NLRP2: variants seen among roughly 807,000 people sequenced by gnomAD.
NLRP2 encodes NACHT, LRR and PYD domains-containing protein 2.
NLRP2 carries 107 observed loss-of-function variants against 97.2 expected under a neutral mutation model. The ratio of observed to expected loss-of-function variants is 1.10; its 90% CI spans 0.94 to 1.29. NLRP2 has a LOEUF of 1.29. Among genes scored for constraint, NLRP2 ranks in the 50% most tolerant of loss-of-function variants. The pLI, the probability that NLRP2 is intolerant of heterozygous loss-of-function variation, is 0.00. For synonymous variants in NLRP2, 663 were observed against 551.5 expected (o/e 1.20, Z -2.83); for missense variants, 1,495 against 1,330.3 (o/e 1.12, Z -1.93).
intron 1 of NLRP2, among the ~76,000 whole-genome samples, chr19:54,967,918 T>G (rs1337923877): frequency 1.9e-5 from 1 of 52,974 alleles, no homozygotes; most frequent in African/African-American, 1.1e-4. Flanking sequence ...GCTACTGCTA[T>G]TTTTTTTTTT....
chr19:54,997,226 A>G, intron 11 of NLRP2, 91 bp from the exon 12 acceptor site: 2 of 1,314,954 alleles, frequency 1.5e-6, no homozygotes, highest in Middle Eastern at 2.6e-4. Flanking sequence ...TTGGTCATGC[A>G]GATCCCCAAC....
chr19:54,970,410 G>C, intron 2 of NLRP2, 115 bp downstream of exon 2: 1 of 1,274,906 alleles, frequency 7.8e-7, no homozygotes, highest in Admixed American at 1.8e-5. Flanking sequence ...CAGCCCTTTG[G>C]GAGGCTGAGG....
In NLRP2 at chr19:54,976,877, C is replaced by T. The variant is rs546489471; in HGVS notation, c.326-875C>T. ...TTTGCCAGGCTGAAGTGCAGTGGAG[C>T]GATCTTGGCTCACTGCAATCTCCGC... On this transcript the variant is annotated intron_variant, in intron 3 of 12. Transcript: ENST00000448584. The T allele has an allele frequency of 4.4e-4, 172 of 395,202 alleles. 1 individual carries two copies. The African/African-American group carries it at 4.4e-3, about 10-fold the overall frequency. The allele number at this position is 395,202 out of a possible 1,614,324, so 24.5% of individuals were successfully genotyped here.
At chr19:54,996,060 AAAC>A (rs1214337179) in intron 11 of NLRP2, among the ~76,000 whole-genome samples, 2 of 150,956 alleles carry the variant, frequency 1.3e-5, no homozygotes, top group Admixed American at 6.6e-5. Flanking sequence ...AAAACAAAAA[AAAC>A]AAAGGCGCCT....
At chr19:55,000,386 C>T (rs1602463371) in intron 12 of NLRP2, among the ~76,000 whole-genome samples, 1 of 141,764 alleles carries the variant, frequency 7.1e-6, no homozygotes, top group South Asian at 2.4e-4. Context: ...ACACCATTCT[C>T]CTGCCTCAGC....
chr19:54,996,947 A>G (rs2072860022), intron 11 of NLRP2, among the ~76,000 whole-genome samples: 2 of 152,066 alleles, frequency 1.3e-5, no homozygotes, highest in South Asian at 2.1e-4. Context: ...TCACTCTGTC[A>G]CCCAGGCTGG....
At position 54,989,767 on chromosome 19, in the gene NLRP2, T is replaced by C. The variant is rs192006072; in HGVS notation, c.2367-255T>C. ...GGGAGGCCGAGGTGGGCAGATCACCTGAGATTGGGAGTTTGAGACCAGCCT... is the reference window on the plus strand; with the variant it reads ...GGGAGGCCGAGGTGGGCAGATCACCCGAGATTGGGAGTTTGAGACCAGCCT... On this transcript the variant is annotated intron_variant, in intron 8 of 12. Transcript: ENST00000448584. The C allele has an allele frequency of 5.9e-4, 332 of 564,668 alleles. 2 individuals carry two copies. The highest frequency in any genetic ancestry group is 5.5e-3 in the African/African-American group (293 of 53,202). The allele number at this position is 564,668 out of a possible 1,614,324, so 35.0% of individuals were successfully genotyped here.
At position 54,982,915 on chromosome 19, in the gene NLRP2, C is replaced by G. The variant is rs139903547; in HGVS notation, c.1217C>G (p.Thr406Arg). 9.1e-3 allele frequency: 14,653 copies of G among 1,613,084 alleles called. 72 individuals carry two copies. The highest frequency in any genetic ancestry group is 0.011 in the Non-Finnish European group (12,834 of 1,180,008). Residue 406 changes from threonine to arginine, a missense_variant, in exon 6 of 13, where the codon ACG (threonine) becomes AGG (arginine). Coordinates refer to ENST00000448584, the MANE Select transcript of NLRP2 (RefSeq NM_017852.5). ...CCCGCGGTGTGCTGGATCGTGTGCA[C>G]GACTCTGAAGCTGCAGATGGAGAAG... Reference protein sequence around the residue: ...SAPAVCWIVCTTLKLQMEKGE... With the variant: ...SAPAVCWIVCRTLKLQMEKGE...
intron 4 of NLRP2, 100 bp from the exon 5 acceptor site, chr19:54,981,517 T>TCCCCCCC: frequency 1.1e-5 from 3 of 274,194 alleles, no homozygotes; most frequent in South Asian, 2.5e-5. Context: ...GTGCCCCCCC[T>TCCCCCCC]CCCCCCCGCC....
chr19:54,983,463 G>C lies in NLRP2; in HGVS notation c.1765G>C (p.Asp589His). The change falls in exon 6 of 13, where the codon GAC (aspartate) becomes CAC (histidine). Residue 589 changes from aspartate (D) to histidine (H), a missense_variant. Asp to His is a moderately conservative substitution (Grantham distance 81). Coordinates refer to ENST00000448584, the MANE Select transcript of NLRP2 (RefSeq NM_017852.5). ...CATCAAACAGGAATTGCTGCGATGCGACATAAGTTGTAAGGGTGGACATTC... is the reference window on the plus strand; with the variant it reads ...CATCAAACAGGAATTGCTGCGATGCCACATAAGTTGTAAGGGTGGACATTC... ...PDIKQELLRCDISCKGGHSTV... is the reference protein window; with the variant it reads ...PDIKQELLRCHISCKGGHSTV... 1 of 1,614,158 alleles carries C rather than the reference G, an allele frequency of 6.2e-7. No homozygotes were observed. The highest frequency in any genetic ancestry group is 8.5e-7 in the Non-Finnish European group (1 of 1,180,026).
chr19:54,996,037 C>CAAAAAAAAAAAAAAA (rs544759995), intron 11 of NLRP2, among the ~76,000 whole-genome samples: 15 of 73,358 alleles, frequency 2.0e-4, no homozygotes, highest in African/African-American at 7.7e-4. Flanking sequence ...GATCCTGTCT[C>CAAAAAAAAAAAAAAA]AAAAAAAAAA....
chr19:54,987,573 C>T (rs1027150762), intron 8 of NLRP2, among the ~76,000 whole-genome samples: 1 of 151,918 alleles, frequency 6.6e-6, no homozygotes, highest in Non-Finnish European at 1.5e-5. Flanking sequence ...GAAACTCTGT[C>T]TCTACTAATA....
At chr19:54,972,926 C>T (rs12608472) in intron 2 of NLRP2, among the ~76,000 whole-genome samples, 29,531 of 152,014 alleles carry the variant, frequency 0.19, 3,514 homozygotes, top group Admixed American at 0.35. Flanking sequence ...CAGTGGCTCA[C>T]GCCTGTAATC....
Position 54,984,485 on chromosome 19 carries a change from C to CTTTTTTTTTTTTTTTTTTTT in NLRP2, c.2031-547_2031-546insTTTTTTTTTTTTTTTTTTTT, listed in dbSNP as rs36061621. ...ATGTATAGATATGTATATTCCCAAT[C>CTTTTTTTTTTTTTTTTTTTT]TTTTTTTTTTTTTTTGAGACGGAGT... On this transcript the variant is annotated intron_variant, in intron 6 of 12. Coordinates refer to ENST00000448584, the MANE Select transcript of NLRP2 (RefSeq NM_017852.5). Among the ~76,000 whole-genome samples, 150 of 76,900 alleles carry CTTTTTTTTTTTTTTTTTTTT rather than the reference C, an allele frequency of 2.0e-3. 28 individuals carry two copies. Among genetic ancestry groups the CTTTTTTTTTTTTTTTTTTTT allele is most frequent in the African/African-American group, 9.4e-3 (124 of 13,226 alleles). 50.4% of individuals were successfully genotyped at this position (76,900 alleles called of 152,430 possible).
intron 6 of NLRP2, among the ~76,000 whole-genome samples, 177 bp from the exon 7 acceptor site, chr19:54,984,870 C>A (rs1012404502): frequency 6.6e-6 from 1 of 152,102 alleles, no homozygotes; most frequent in African/African-American, 2.4e-5. Flanking sequence ...AGAATAGGTT[C>A]TTTCTCCTGT....
intron 2 of NLRP2, among the ~76,000 whole-genome samples, chr19:54,972,069 C>T (rs1326764523): frequency 5.4e-5 from 8 of 147,452 alleles, no homozygotes; most frequent in South Asian, 2.1e-4. Context: ...GTCTCGATGT[C>T]GTGACCTCAT....
At chr19:54,975,101 G>GTTCTGTTTTTTTTTTTTTTTT (rs2071115339) in intron 3 of NLRP2, among the ~76,000 whole-genome samples, 1 of 83,086 alleles carries the variant, frequency 1.2e-5, no homozygotes, top group Non-Finnish European at 2.5e-5. Flanking sequence ...ACCACACCCG[G>GTTCTGTTTTTTTTTTTTTTTT]TTTTGTTTTT....
In NLRP2 at chr19:54,994,372, G is replaced by C; in HGVS notation, c.2812G>C (p.Gly938Arg). The change falls in exon 11 of 13, where the codon GGA becomes CGA. Residue 938 changes from glycine to arginine, a missense_variant. Physicochemically the swap from Gly to Arg is moderately radical, Grantham distance 125. Coordinates refer to ENST00000448584, the MANE Select transcript of NLRP2 (RefSeq NM_017852.5). ...TTTGGATCTGGGGCTGAATCACATA[G>C]GAGTTAAGGGAATGAAGTTCCTGTG... The part of the protein sequence containing the change: ...LCLDLGLNHI[G>R]VKGMKFLCEA... 1 of 1,613,980 alleles carries C rather than the reference G, an allele frequency of 6.2e-7. No homozygotes were observed. Among genetic ancestry groups the C allele is most frequent in the Non-Finnish European group, 8.5e-7 (1 of 1,180,008 alleles).
chr19:54,973,398 G>A lies in NLRP2; in HGVS notation c.281-1102G>A, dbSNP rs569267426. On this transcript the variant is annotated intron_variant, in intron 2 of 12. Transcript: ENST00000448584. Reference sequence around the variant, plus strand: ...TGGATTTTGGTTTTGCTTTTGAGTCGAAGTTTCACTCTTGTCTCCCAGGCT... The same window carrying A: ...TGGATTTTGGTTTTGCTTTTGAGTCAAAGTTTCACTCTTGTCTCCCAGGCT... Among the ~76,000 whole-genome samples the A allele has an allele frequency of 4.1e-5, 5 of 122,998 alleles. No individual in the cohort carries two copies. In the East Asian group the frequency reaches 1.3e-3, roughly 31 times the overall value. 80.7% of individuals were successfully genotyped at this position (122,998 alleles called of 152,430 possible).
Sources: gnomAD v4.1 joint callset for allele counts (sites outside exome capture counted in the v4.1 genomes callset) on GRCh38, gnomAD v4.1.1 for gene constraint, MANE v1.5 for transcripts, NCBI Gene and HGNC (gene_info 2026-07-23, HGNC 2026-07-21) for gene names.